PPEF1: variants seen among roughly 807,000 people sequenced by gnomAD.
The protein encoded by PPEF1 is serine/threonine-protein phosphatase with EF-hands 1.
Under a neutral mutation model 53.3 loss-of-function variants are expected in PPEF1, and 12 were observed. The observed-to-expected ratio is 0.23, with a 90% CI of 0.14 to 0.36. The LOEUF is 0.36. Ranked by LOEUF, PPEF1 falls within the 10% of genes least tolerant of loss-of-function variation. The pLI is 1.00. For synonymous variants in PPEF1, 165 were observed against 176.7 expected, an observed-to-expected ratio of 0.93 and a Z score of 0.52; for missense variants, 334 against 490.4, an observed-to-expected ratio of 0.68 and a Z score of 3.01.
chrX:18,687,360 G>T lies in PPEF1; in HGVS notation c.-426+1129G>T, dbSNP rs752826350. Among the ~76,000 whole-genome samples, 6 of 111,338 alleles carry T rather than the reference G, an allele frequency of 5.4e-5. No individual in the cohort carries two copies. The South Asian group carries it at 1.2e-3, about 21-fold the overall frequency. ...GTGTGTTAACCCATTCATTCGTTACGTCAACCCAGTGTGATTGGTGCTATC... is the reference window on the plus strand; with the variant it reads ...GTGTGTTAACCCATTCATTCGTTACTTCAACCCAGTGTGATTGGTGCTATC... On this transcript the variant is annotated intron_variant, in intron 3 of 21. Transcript: ENST00000361511.
At chrX:18,752,025 T>C (rs2045455249) in intron 4 of PPEF1, among the ~76,000 whole-genome samples, 1 of 112,164 alleles carries the variant, frequency 8.9e-6, no homozygotes, top group Admixed American at 9.5e-5. Context: ...GAAGATCAAA[T>C]TTTCCATTTC....
intron 3 of PPEF1, among the ~76,000 whole-genome samples, chrX:18,745,418 C>T (rs2045310968): frequency 9.4e-6 from 1 of 106,546 alleles, no homozygotes; most frequent in Non-Finnish European, 1.9e-5. Flanking sequence ...GCCATGTTGC[C>T]CAGGCTTGTC....
chrX:18,822,087 T>C (rs937256319), intron 13 of PPEF1, among the ~76,000 whole-genome samples: 3 of 111,710 alleles, frequency 2.7e-5, no homozygotes, highest in Non-Finnish European at 5.6e-5. Context: ...CCACCGCGTC[T>C]CCCACACACT....
At chrX:18,709,365 C>A (rs992605443) in intron 1 of PPEF1, among the ~76,000 whole-genome samples, 1 of 112,225 alleles carries the variant, frequency 8.9e-6, no homozygotes, top group Non-Finnish European at 1.9e-5. Flanking sequence ...TTGTGTCTGG[C>A]TTTGTCCATG....
chrX:18,819,092 G>A (rs1260907576), intron 13 of PPEF1, among the ~76,000 whole-genome samples: 1 of 111,278 alleles, frequency 9.0e-6, no homozygotes, highest in Non-Finnish European at 1.9e-5. Context: ...GGCCACTCAC[G>A]TATCCAGAGA....
rs115846434 is a variant in PPEF1, at chrX:18,730,455, T to C, written c.174+147T>C. The stretch of plus-strand genomic sequence containing the variant: ...GCATGTCATGACATTGTCTTGGAAC[T>C]AGTTATTGAGAGAGAGTGTGCTTTG... On this transcript the variant is annotated intron_variant, in intron 2 of 15. Coordinates refer to ENST00000470157, the MANE Select transcript of PPEF1 (RefSeq NM_001377996.1). 1.1e-3 allele frequency: 759 copies of C among 709,753 alleles called. 3 individuals carry two copies. The African/African-American group carries it at 0.015, about 14-fold the overall frequency. 58.5% of individuals were successfully genotyped at this position (709,753 alleles called of 1,213,427 possible).
At chrX:18,687,359 C>T (rs767807653) in intron 3 of PPEF1, among the ~76,000 whole-genome samples, 10 of 111,450 alleles carry the variant, frequency 9.0e-5, no homozygotes, top group African/African-American at 2.6e-4. Context: ...TCATTCGTTA[C>T]GTCAACCCAG....
upstream of PPEF1, among the ~76,000 whole-genome samples, chrX:18,702,725 A>C (rs2044109280): frequency 9.0e-6 from 1 of 110,949 alleles, no homozygotes; most frequent in African/African-American, 3.3e-5. Context: ...ACACACAGTA[A>C]AAACCTTTTA....
At chrX:18,678,415 C>T (rs1046807849), upstream of PPEF1, among the ~76,000 whole-genome samples, 4 of 110,600 alleles carry the variant, frequency 3.6e-5, no homozygotes, top group African/African-American at 9.9e-5. Flanking sequence ...CCAGCCTGGG[C>T]GACAGAGTGA....
chrX:18,747,179 G>A (rs149435709), intron 3 of PPEF1, among the ~76,000 whole-genome samples: 16 of 111,558 alleles, frequency 1.4e-4, no homozygotes, highest in African/African-American at 3.6e-4. Flanking sequence ...GGAAAGCATC[G>A]CCAGTGTGGG....
At chrX:18,701,837 C>T (rs1442578193) in intron 6 of PPEF1, among the ~76,000 whole-genome samples, 1 of 112,668 alleles carries the variant, frequency 8.9e-6, no homozygotes, top group Non-Finnish European at 1.9e-5. Context: ...TAGAACTATT[C>T]TTCCACAAAC....
intron 4 of PPEF1, among the ~76,000 whole-genome samples, chrX:18,753,463 T>C (rs2045484314): frequency 1.8e-5 from 2 of 111,853 alleles, no homozygotes; most frequent in Non-Finnish European, 3.8e-5. Flanking sequence ...GTTTTGTTGA[T>C]TCTCTCTATT....
intron 3 of PPEF1, among the ~76,000 whole-genome samples, chrX:18,736,367 T>C (rs1317831896): frequency 8.9e-6 from 1 of 112,177 alleles, no homozygotes; most frequent in Non-Finnish European, 1.9e-5. Context: ...AAAGGCCTTT[T>C]CTGCATCTAT....
chrX:18,783,305 C>T lies in PPEF1; in HGVS notation c.763-594C>T, dbSNP rs530037251. On this transcript the variant is annotated intron_variant, in intron 8 of 15. Coordinates refer to ENST00000470157, the MANE Select transcript of PPEF1 (RefSeq NM_001377996.1). Reference sequence around the variant, plus strand: ...AGAAGGTAGCTGGGGTGTGGGCTCTCGGTTGCTTGGTTTGCATATGAAGGG... The same window carrying T: ...AGAAGGTAGCTGGGGTGTGGGCTCTTGGTTGCTTGGTTTGCATATGAAGGG... Among the ~76,000 whole-genome samples the T allele has an allele frequency of 4.6e-5, 5 of 109,247 alleles. No homozygotes were observed. The East Asian group carries it at 8.7e-4, about 19-fold the overall frequency. 94.9% of individuals were successfully genotyped at this position (109,247 alleles called of 115,157 possible).
intron 3 of PPEF1, among the ~76,000 whole-genome samples, chrX:18,740,027 A>G (rs761899361): frequency 2.4e-4 from 27 of 112,396 alleles, no homozygotes; most frequent in African/African-American, 8.4e-4. Flanking sequence ...TCCAGGTACC[A>G]TCTGTCACGG....
intron 7 of PPEF1, among the ~76,000 whole-genome samples, chrX:18,779,592 C>T (rs776699496): frequency 4.0e-4 from 45 of 111,729 alleles, no homozygotes; most frequent in Admixed American, 1.2e-3. Context: ...TGTTTTTCAC[C>T]GATGCGTGTA....
chrX:18,677,514 G>C (rs778522523), intron 1 of PPEF1, among the ~76,000 whole-genome samples: 3 of 111,823 alleles, frequency 2.7e-5, no homozygotes, highest in Non-Finnish European at 5.6e-5. Flanking sequence ...CTAAATTCAT[G>C]ACTGCTTAGC....
chrX:18,786,768 G>A (rs1160468772), intron 9 of PPEF1, among the ~76,000 whole-genome samples: 5 of 71,166 alleles, frequency 7.0e-5, no homozygotes, highest in Non-Finnish European at 1.3e-4. Context: ...GGGTGACAGT[G>A]AAACACTATC....
At chrX:18,815,757 A>G (rs1197497393) in intron 12 of PPEF1, among the ~76,000 whole-genome samples, 2 of 107,773 alleles carry the variant, frequency 1.9e-5, no homozygotes, top group Non-Finnish European at 3.8e-5. Flanking sequence ...AGTTTCAAAG[A>G]ACCAATTTTT....
Sources: allele counts gnomAD v4.1 joint callset (sites outside exome capture counted in the v4.1 genomes callset), GRCh38; gene constraint gnomAD v4.1.1; transcripts MANE v1.5; gene names NCBI Gene and HGNC (gene_info 2026-07-23, HGNC 2026-07-21).